Variants in RARA observed in about 807,000 individuals in gnomAD.
The protein encoded by RARA is retinoic acid receptor alpha, also known as PML-DDX5-RARA fusion.
RARA carries 5 observed loss-of-function variants against 42.8 expected under a neutral mutation model. The ratio of observed to expected loss-of-function variants is 0.12; its 90% CI spans 0.06 to 0.25. RARA has a LOEUF of 0.25. Among genes scored for constraint, RARA ranks in the 10% least tolerant of loss-of-function variants. The pLI, the probability that RARA is intolerant of heterozygous loss-of-function variation, is 1.00. For missense variants in RARA, 402 were observed against 628.7 expected (o/e 0.64, Z 3.86); for synonymous variants, 256 against 259.5 (o/e 0.99, Z 0.13).
At position 40,357,332 on chromosome 17, in the gene RARA, G is replaced by GCGCACACACACAAA; in HGVS notation, c.*1108_*1121dup. 1 of 234,668 alleles carries GCGCACACACACAAA rather than the reference G, an allele frequency of 4.3e-6. No individual in the cohort carries two copies. Among genetic ancestry groups the GCGCACACACACAAA allele is most frequent in the East Asian group, 6.0e-5 (1 of 16,530 alleles). 14.5% of individuals were successfully genotyped at this position (234,668 alleles called of 1,614,324 possible). On this transcript the variant is annotated 3_prime_UTR_variant, in exon 9 of 9. Coordinates refer to ENST00000254066, the MANE Select transcript of RARA (RefSeq NM_000964.4). ...CCCCAGACACCACACACATGCGCGT[G>GCGCACACACACAAA]CGCACACACACAAACACACACACAC...
chr17:40,341,737 A>G (rs2143381665), intron 2 of RARA: 1 of 1,294,098 alleles, frequency 7.7e-7, no homozygotes, highest in Non-Finnish European at 9.8e-7. Flanking sequence ...GGACACCGGG[A>G]CCACCCCCCT....
chr17:40,332,083 C>T (rs912782447), intron 2 of RARA, among the ~76,000 whole-genome samples: 2 of 152,192 alleles, frequency 1.3e-5, no homozygotes, highest in African/African-American at 4.8e-5. Context: ...ATGGAGGTCA[C>T]TTGTTGGCTG....
chr17:40,318,344 T>C (rs547837726), intron 1 of RARA: 1 of 152,384 alleles, frequency 6.6e-6, no homozygotes, highest in South Asian at 2.1e-4. Context: ...GGACGGCTCC[T>C]CTCCCGGGAC....
rs2143538136 is a variant in RARA at position 40,355,264 on chromosome 17, C to T, written c.1014C>T (p.Asp338=). The T allele has an allele frequency of 1.9e-6, 3 of 1,569,114 alleles. No homozygotes were observed. The highest frequency in any genetic ancestry group is 2.6e-6 in the Non-Finnish European group (3 of 1,156,362). Residue 338 remains aspartate (D), a splice_region_variant and synonymous_variant, in exon 8 of 9, where the codon GAC becomes GAT. Coordinates refer to ENST00000254066, the MANE Select transcript of RARA (RefSeq NM_000964.4). This position sits in a 1 kb window ranked among gnomAD's most constrained non-coding sequence, Gnocchi z 4.1. ...CAGGGGGTGGTTCTGCTTCCTCAGA[C>T]CGCCAGGACCTGGAGCAGCCGGACC... is the stretch of plus-strand genomic sequence containing the variant. The part of the protein sequence containing the change: ...LLSAICLICG[D]RQDLEQPDRV...
intron 2 of RARA, among the ~76,000 whole-genome samples, chr17:40,338,531 C>A (rs561502559): frequency 6.6e-6 from 1 of 152,224 alleles, no homozygotes; most frequent in East Asian, 1.9e-4. Flanking sequence ...CTCTCCAAAT[C>A]TGTTTCCTCC....
intron 2 of RARA, among the ~76,000 whole-genome samples, chr17:40,334,359 AAAC>A (rs2033785462): frequency 6.6e-6 from 1 of 151,592 alleles, no homozygotes; most frequent in African/African-American, 2.4e-5. Context: ...TCTCCCTAGT[AAAC>A]AACAACAACT....
In RARA at chr17:40,355,973, C is replaced by G; in HGVS notation, c.1172-36C>G. 6.5e-7 allele frequency: 1 copy of G among 1,550,116 alleles called. No homozygotes were observed. The highest frequency in any genetic ancestry group is 8.7e-7 in the Non-Finnish European group (1 of 1,146,224). On this transcript the variant is annotated intron_variant, in intron 8 of 8. Transcript: ENST00000254066. The surrounding 1 kb of genome is among the most constrained non-coding windows in gnomAD (Gnocchi z 4.1). ...TGGGGCTGGGGGTGGGAGGGCTGGC[C>G]CAGCGTGCTGACCTCTGCCCCCTCC...
chr17:40,342,810 G>C (rs752986550), intron 2 of RARA: 15 of 1,612,906 alleles, frequency 9.3e-6, no homozygotes, highest in Admixed American at 3.3e-5. Flanking sequence ...GGGGCTCCCC[G>C]CCCCGGGTCC....
intron 1 of RARA, among the ~76,000 whole-genome samples, chr17:40,316,537 C>T (rs2033216934): frequency 6.6e-6 from 1 of 152,206 alleles, no homozygotes; most frequent in Non-Finnish European, 1.5e-5. Flanking sequence ...TTCTTGTGTC[C>T]ATGAGCCTTC....
intron 2 of RARA, among the ~76,000 whole-genome samples, chr17:40,332,905 G>C (rs2033737820): frequency 6.6e-6 from 1 of 152,214 alleles, no homozygotes; most frequent in Non-Finnish European, 1.5e-5. Context: ...GCCAGCCTCT[G>C]GGGTTTGGGG....
Position 40,309,182 on chromosome 17 carries a change from A to C in RARA, c.-467A>C, listed in dbSNP as rs547901055. On this transcript the variant is annotated 5_prime_UTR_variant, in exon 1 of 9. Transcript: ENST00000254066. Reference sequence around the variant, plus strand: ...CCCAACGGGAACCCGTGCCTCTTGCAGCAGCCTAACCCAGAAGCAGGGGGG... The same window carrying C: ...CCCAACGGGAACCCGTGCCTCTTGCCGCAGCCTAACCCAGAAGCAGGGGGG... 6.6e-6 allele frequency: 1 copy of C among 152,280 alleles called. No individual in the cohort carries two copies. 9.4% of individuals were successfully genotyped at this position (152,280 alleles called of 1,614,324 possible).
intron 1 of RARA, among the ~76,000 whole-genome samples, chr17:40,319,821 G>A (rs2033323781): frequency 6.6e-6 from 1 of 151,918 alleles, no homozygotes; most frequent in South Asian, 2.1e-4. Flanking sequence ...CCTGGAGGGG[G>A]CCGGGGGGGG....
chr17:40,309,200 CAG>C lies in RARA; in HGVS notation c.-448_-447del, dbSNP rs1479309202. ...CTCTTGCAGCAGCCTAACCCAGAAG[CAG>C]GGGGGAATCCTGAATCGAGCTGAGA... On this transcript the variant is annotated 5_prime_UTR_variant, in exon 1 of 9. Coordinates refer to ENST00000254066, the MANE Select transcript of RARA (RefSeq NM_000964.4). 6.6e-6 allele frequency: 1 copy of C among 152,334 alleles called. No individual in the cohort carries two copies. Among genetic ancestry groups the C allele is most frequent in the Non-Finnish European group, 1.5e-5 (1 of 68,122 alleles). The allele number at this position is 152,334 out of a possible 1,614,324, so 9.4% of individuals were successfully genotyped here. A position where few individuals can be genotyped will look rare whatever the true frequency, so the allele number is the denominator to read the frequency against.
chr17:40,322,658 G>A (rs929534085), intron 1 of RARA, among the ~76,000 whole-genome samples: 7 of 151,926 alleles, frequency 4.6e-5, no homozygotes, highest in Non-Finnish European at 1.0e-4. Context: ...CCCAGGAATC[G>A]AGACTTGAGA....
rs544277699 is a variant in RARA at position 40,316,839 on chromosome 17, C to T, written c.-363+7553C>T. On this transcript the variant is annotated intron_variant, in intron 1 of 8. Transcript: ENST00000254066. ...CGGGAGGGGCTGGGCGGGAGGTTCG[C>T]ACCGGCGGACGGAAATCCAGACGGG... 5.9e-5 allele frequency among the ~76,000 whole-genome samples: 9 copies of T among 152,250 alleles called. No individual in the cohort carries two copies. The South Asian group carries it at 8.3e-4, about 14-fold the overall frequency.
intron 2 of RARA, among the ~76,000 whole-genome samples, chr17:40,338,264 C>T (rs995360929): frequency 5.3e-5 from 8 of 152,180 alleles, no homozygotes; most frequent in Non-Finnish European, 1.2e-4. Flanking sequence ...AAGTGGTTTC[C>T]ATCTCTAAGT....
chr17:40,313,192 G>A (rs1047605084), intron 1 of RARA, among the ~76,000 whole-genome samples: 2 of 152,114 alleles, frequency 1.3e-5, no homozygotes, highest in African/African-American at 2.4e-5. Flanking sequence ...CAGAAGGGAC[G>A]TCCAGACTCC....
chr17:40,319,562 C>G (rs904332075), intron 1 of RARA, among the ~76,000 whole-genome samples: 1 of 142,934 alleles, frequency 7.0e-6, no homozygotes, highest in Non-Finnish European at 1.5e-5. Flanking sequence ...CCAAGGATCA[C>G]TTCTGCCCCT....
rs375039386 is a variant in RARA at position 40,354,107 on chromosome 17, C to T, written c.808-195C>T. 2.7e-4 allele frequency among the ~76,000 whole-genome samples: 41 copies of T among 152,304 alleles called. No individual in the cohort carries two copies. Among genetic ancestry groups the T allele is most frequent in the Admixed American group, 7.8e-4 (12 of 15,302 alleles). ...AGCCACATTTCAAGTACTCAGTAGA[C>T]GCATGTGGCTGGTGGCTGAGGTATG... On this transcript the variant is annotated intron_variant, in intron 6 of 8. Transcript: ENST00000254066. The surrounding 1 kb of genome is among the most constrained non-coding windows in gnomAD (Gnocchi z 4.5).
Sources: allele counts gnomAD v4.1 joint callset (sites outside exome capture counted in the v4.1 genomes callset), GRCh38; gene constraint gnomAD v4.1.1; non-coding constraint Gnocchi (gnomAD v3.1); transcripts MANE v1.5; gene names NCBI Gene and HGNC (gene_info 2026-07-23, HGNC 2026-07-21).